COG5: variants seen among roughly 807,000 people sequenced by gnomAD.
COG5 encodes conserved oligomeric Golgi complex subunit 5.
In COG5, 86 loss-of-function variants were observed where a neutral mutation model predicts 110.4. The ratio of observed to expected loss-of-function variants is 0.78; its 90% CI spans 0.65 to 0.93. The LOEUF (loss-of-function observed/expected upper bound fraction) is 0.93, where lower values mean the gene tolerates loss of function less well. Ranked by LOEUF, COG5 falls within the 40% of genes least tolerant of loss-of-function variation. The pLI, the probability that COG5 is intolerant of heterozygous loss-of-function variation, is 0.00. For synonymous variants in COG5, 360 were observed against 334.6 expected, an observed-to-expected ratio of 1.08 and a Z score of -0.83; for missense variants, 1,077 against 987.0, an observed-to-expected ratio of 1.09 and a Z score of -1.22.
intron 18 of COG5, 80 bp from the exon 19 acceptor site, chr7:107,230,771 T>G: frequency 8.9e-7 from 1 of 1,122,878 alleles, no homozygotes; most frequent in South Asian, 1.2e-5. Flanking sequence ...TCACAGAAAG[T>G]TGTAGCTTGC....
intron 6 of COG5, among the ~76,000 whole-genome samples, chr7:107,420,327 A>G (rs1256681992): frequency 1.3e-5 from 2 of 152,252 alleles, no homozygotes; most frequent in African/African-American, 4.8e-5. Flanking sequence ...AAACAACTAC[A>G]TGTAAGTTAT....
chr7:107,303,620 A>G (rs553352010), intron 11 of COG5, among the ~76,000 whole-genome samples: 70 of 151,726 alleles, frequency 4.6e-4, no homozygotes, highest in Non-Finnish European at 8.7e-4. Context: ...TTTTGTAGAG[A>G]TGAGGTCTCC....
At chr7:107,313,816 C>T (rs796379014) in intron 11 of COG5, among the ~76,000 whole-genome samples, 25 of 152,232 alleles carry the variant, frequency 1.6e-4, no homozygotes, top group Middle Eastern at 3.4e-3. Flanking sequence ...AACTCACATC[C>T]GCAAAATCCC....
At chr7:107,476,961 GATA>G (rs1415949803) in intron 6 of COG5, among the ~76,000 whole-genome samples, 2 of 151,530 alleles carry the variant, frequency 1.3e-5, no homozygotes. Context: ...ATTTACTTCT[GATA>G]ATAATGTTAA....
In COG5 at chr7:107,504,204, T is replaced by A. The variant is rs578250875; in HGVS notation, c.538+23033A>T. ...CTAGTTTGTTGAGGGTTTTTTATCA[T>A]AAAAGGATGCTGGATTTTACCGGAT... On this transcript the variant is annotated intron_variant, in intron 6 of 21. Transcript: ENST00000297135. 5.3e-5 allele frequency among the ~76,000 whole-genome samples: 8 copies of A among 152,320 alleles called. No homozygotes were observed. The South Asian group carries it at 1.7e-3, about 32-fold the overall frequency.
intron 19 of COG5, among the ~76,000 whole-genome samples, chr7:107,228,211 G>A (rs1800504796): frequency 2.0e-5 from 3 of 151,314 alleles, no homozygotes; most frequent in Non-Finnish European, 4.4e-5. Flanking sequence ...TGAGGCGGGA[G>A]GATCACTTGG....
chr7:107,468,264 A>G (rs1796421278), intron 6 of COG5, among the ~76,000 whole-genome samples: 1 of 152,166 alleles, frequency 6.6e-6, no homozygotes, highest in South Asian at 2.1e-4. Flanking sequence ...CTTCTACTTC[A>G]TGGGGATATT....
At chr7:107,393,189 T>C (rs1790750516) in intron 7 of COG5, among the ~76,000 whole-genome samples, 1 of 152,208 alleles carries the variant, frequency 6.6e-6, no homozygotes, top group African/African-American at 2.4e-5. Context: ...GTACTTCAAT[T>C]CACTGCTCAT....
intron 6 of COG5, among the ~76,000 whole-genome samples, chr7:107,438,240 C>T (rs1216310905): frequency 6.6e-6 from 1 of 152,176 alleles, no homozygotes; most frequent in African/African-American, 2.4e-5. Flanking sequence ...CCACTCTTTT[C>T]TACCAAGACA....
rs542392855 is a variant in COG5 at position 107,382,094 on chromosome 7, C to T, written c.670-9334G>A. Among the ~76,000 whole-genome samples, 37 of 152,292 alleles carry T rather than the reference C, an allele frequency of 2.4e-4. No individual in the cohort carries two copies. In the South Asian group the frequency reaches 6.4e-3, roughly 26 times the overall value. On this transcript the variant is annotated intron_variant, in intron 7 of 21. Coordinates refer to ENST00000297135, the MANE Select transcript of COG5 (RefSeq NM_006348.5). ...TCTTTAAGGGGTCAGTCGTGACGTG[C>T]AGAGTCCATAAAAGTCCAGTGGGGA...
At chr7:107,381,419 T>C (rs1486002012) in intron 7 of COG5, among the ~76,000 whole-genome samples, 1 of 152,218 alleles carries the variant, frequency 6.6e-6, no homozygotes, top group Non-Finnish European at 1.5e-5. Context: ...ATGTTCCAAA[T>C]TGTATGGAAT....
chr7:107,552,450 TA>T (rs1376411080), intron 3 of COG5, among the ~76,000 whole-genome samples: 1 of 151,336 alleles, frequency 6.6e-6, no homozygotes, highest in Non-Finnish European at 1.5e-5. Flanking sequence ...ACAACTCCAT[TA>T]AAAAGTGGGC....
At chr7:107,403,845 T>C (rs926651927) in intron 7 of COG5, among the ~76,000 whole-genome samples, 3 of 152,094 alleles carry the variant, frequency 2.0e-5, no homozygotes, top group Non-Finnish European at 4.4e-5. Context: ...ATTGGGAACA[T>C]AGCAGCCATA....
intron 14 of COG5, among the ~76,000 whole-genome samples, chr7:107,269,623 C>T (rs574335690): frequency 6.6e-6 from 1 of 152,182 alleles, no homozygotes; most frequent in South Asian, 2.1e-4. Flanking sequence ...ATTTTAGTTC[C>T]ATCTTACTTC....
At chr7:107,267,104 A>G (rs1428804824) in intron 14 of COG5, among the ~76,000 whole-genome samples, 1 of 152,158 alleles carries the variant, frequency 6.6e-6, no homozygotes, top group Non-Finnish European at 1.5e-5. Context: ...TTGTTTATGC[A>G]TGAGAGATGA....
rs574207490 is a variant in COG5, at chr7:107,410,298, T to A, written c.669+2204A>T. Among the ~76,000 whole-genome samples, 4 of 152,244 alleles carry A rather than the reference T, an allele frequency of 2.6e-5. No homozygotes were observed. The South Asian group carries it at 8.3e-4, about 32-fold the overall frequency. Reference sequence around the variant, plus strand: ...GTTTGAGAATCATCAGTTAGGTGAATAGTTGAAGAGACACATCTTTGATCA... The same window carrying A: ...GTTTGAGAATCATCAGTTAGGTGAAAAGTTGAAGAGACACATCTTTGATCA... On this transcript the variant is annotated intron_variant, in intron 7 of 21. Transcript: ENST00000297135.
intron 10 of COG5, among the ~76,000 whole-genome samples, chr7:107,338,383 C>T (rs1245865792): frequency 6.6e-6 from 1 of 151,974 alleles, no homozygotes; most frequent in African/African-American, 2.4e-5. Context: ...TACACCAAGG[C>T]TACAAAATGG....
intron 10 of COG5, among the ~76,000 whole-genome samples, chr7:107,326,351 G>A (rs890234021): frequency 6.6e-6 from 1 of 152,044 alleles, no homozygotes; most frequent in African/African-American, 2.4e-5. Context: ...AATTGGAATG[G>A]AAGAAGTAAA....
chr7:107,456,595 G>C (rs995374638), intron 6 of COG5, among the ~76,000 whole-genome samples: 1 of 152,152 alleles, frequency 6.6e-6, no homozygotes, highest in Admixed American at 6.5e-5. Context: ...GAGAAAGCTG[G>C]AATTCTCAGG....
Sources: gnomAD v4.1 joint callset for allele counts (sites outside exome capture counted in the v4.1 genomes callset) on GRCh38, gnomAD v4.1.1 for gene constraint, MANE v1.5 for transcripts, NCBI Gene and HGNC (gene_info 2026-07-23, HGNC 2026-07-21) for gene names.